The following KCNG3 variants were observed in gnomAD, a reference collection of about 807,000 sequenced individuals.
KCNG3 encodes potassium voltage-gated channel modifier subfamily G member 3, also known as voltage-gated potassium channel regulatory subunit KCNG3.
In KCNG3, 15 loss-of-function variants were observed where a neutral mutation model predicts 29.0. The observed-to-expected ratio is 0.52, with a 90% CI of 0.35 to 0.80. KCNG3 has a LOEUF of 0.80. Among genes scored for constraint, KCNG3 ranks in the 30% least tolerant of loss-of-function variants. The pLI is 0.01. For missense variants in KCNG3, 512 were observed against 605.7 expected (o/e 0.85, Z 1.62); for synonymous variants, 322 against 248.9 (o/e 1.29, Z -2.76).
At chr2:42,390,845 C>A in the KCNG3 span, among the ~76,000 whole-genome samples, 1 of 152,164 alleles carries the variant, frequency 6.6e-6, no homozygotes, top group Non-Finnish European at 1.5e-5. Flanking sequence ...ATGATTGATT[C>A]ACTTATATTT....
the KCNG3 span, among the ~76,000 whole-genome samples, chr2:42,414,260 G>A: frequency 6.6e-6 from 1 of 152,122 alleles, no homozygotes; most frequent in Non-Finnish European, 1.5e-5. Context: ...AGGTCTGTTG[G>A]TAGTAAGTTC....
At chr2:42,409,340 G>C in the KCNG3 span, among the ~76,000 whole-genome samples, 2 of 152,066 alleles carry the variant, frequency 1.3e-5, no homozygotes, top group Admixed American at 1.3e-4. Flanking sequence ...ACAGGCATGA[G>C]CCACCATGCC....
the KCNG3 span, among the ~76,000 whole-genome samples, chr2:42,393,285 G>A: frequency 6.6e-6 from 1 of 151,206 alleles, no homozygotes; most frequent in Admixed American, 6.6e-5. Context: ...AAATGCCCAG[G>A]CACGGTGGTT....
chr2:42,455,514 A>G (rs1389468503), intron 1 of KCNG3, among the ~76,000 whole-genome samples: 1 of 152,176 alleles, frequency 6.6e-6, no homozygotes, highest in East Asian at 1.9e-4. Flanking sequence ...TAATCCCAAC[A>G]CTTAGGGAGG....
At chr2:42,435,577 T>A in the KCNG3 span, among the ~76,000 whole-genome samples, 745 of 152,310 alleles carry the variant, frequency 4.9e-3, 5 homozygotes, top group African/African-American at 0.015. Context: ...ACAACTTTTT[T>A]AAAAAACCTA....
At chr2:42,402,812 G>C in the KCNG3 span, among the ~76,000 whole-genome samples, 1 of 152,072 alleles carries the variant, frequency 6.6e-6, no homozygotes, top group Non-Finnish European at 1.5e-5. Flanking sequence ...GACTTATGCT[G>C]CCTTGATTTC....
chr2:42,493,602 C>A lies in KCNG3; in HGVS notation c.-101G>T, dbSNP rs1292479047. On this transcript the variant is annotated 5_prime_UTR_variant, in exon 1 of 2. Coordinates refer to ENST00000306078, the MANE Select transcript of KCNG3 (RefSeq NM_133329.6). Reference sequence around the variant, plus strand: ...CCTGCCCGTGGCTGACGGGGGAGCGCGCCGTCGGGGCCCGCGCTCCCTCGG... The same window carrying A: ...CCTGCCCGTGGCTGACGGGGGAGCGAGCCGTCGGGGCCCGCGCTCCCTCGG... 1.2e-5 allele frequency: 13 copies of A among 1,102,144 alleles called. No individual in the cohort carries two copies. Among genetic ancestry groups the A allele is most frequent in the African/African-American group, 1.6e-5 (1 of 61,362 alleles). 68.3% of individuals were successfully genotyped at this position (1,102,144 alleles called of 1,614,324 possible).
intron 1 of KCNG3, among the ~76,000 whole-genome samples, chr2:42,449,538 G>C (rs989958525): frequency 2.7e-5 from 3 of 110,422 alleles, no homozygotes; most frequent in African/African-American, 1.0e-4. Flanking sequence ...TTTTTTTTGA[G>C]ACAGGGTCTC....
the KCNG3 span, among the ~76,000 whole-genome samples, chr2:42,405,574 G>A: frequency 6.6e-6 from 1 of 151,548 alleles, no homozygotes. Context: ...GAATAGCTAA[G>A]ATTACAGGCG....
chr2:42,489,385 T>C (rs564142768), intron 1 of KCNG3, among the ~76,000 whole-genome samples: 13 of 152,206 alleles, frequency 8.5e-5, no homozygotes, highest in African/African-American at 3.1e-4. Flanking sequence ...TGAGATCTCT[T>C]CTCAATCAAT....
chr2:42,434,666 C>CAAAAAAAAAAAAAA, the KCNG3 span, among the ~76,000 whole-genome samples: 3 of 64,696 alleles, frequency 4.6e-5, 1 homozygote, highest in Non-Finnish European at 2.7e-5. Context: ...AACTCCATCT[C>CAAAAAAAAAAAAAA]AAAAAAAAAA....
At position 42,444,094 on chromosome 2, in the gene KCNG3, A is replaced by G. The variant is rs771818551; in HGVS notation, c.1151T>C (p.Val384Ala). 6 of 1,614,062 alleles carry G rather than the reference A, an allele frequency of 3.7e-6. No homozygotes were observed. Among genetic ancestry groups the G allele is most frequent in the Non-Finnish European group, 4.2e-6 (5 of 1,180,038 alleles). The change falls in exon 2 of 2, where the codon GTG becomes GCG. Residue 384 changes from valine to alanine, a missense_variant. By Grantham distance (64) the Val-to-Ala change is moderately conservative (BLOSUM62 0). Coordinates refer to ENST00000306078, the MANE Select transcript of KCNG3 (RefSeq NM_133329.6). The surrounding 1 kb of genome is among the most constrained non-coding windows in gnomAD (Gnocchi z 5.8). ...VGYGDMYPITVPGRILGGVCV... is the reference protein window; with the variant it reads ...VGYGDMYPITAPGRILGGVCV... The stretch of plus-strand genomic sequence containing the variant: ...AACTCCTCCAAGAATTCTTCCAGGC[A>G]CTGTGATAGGATACATATCTCCATA...
the KCNG3 span, among the ~76,000 whole-genome samples, chr2:42,414,712 T>C: frequency 1.3e-5 from 2 of 152,216 alleles, no homozygotes; most frequent in Non-Finnish European, 2.9e-5. Flanking sequence ...CTCATTTGTG[T>C]AGGCTAAAAT....
chr2:42,425,011 G>A, the KCNG3 span: 183 of 152,250 alleles, frequency 1.2e-3, 1 homozygote, highest in African/African-American at 4.3e-3. Context: ...CGACAATCAG[G>A]ACAAGGGCCT....
chr2:42,457,857 G>A (rs1355044606), intron 1 of KCNG3, among the ~76,000 whole-genome samples: 3 of 151,940 alleles, frequency 2.0e-5, no homozygotes, highest in South Asian at 2.1e-4. Context: ...GTGGTGTCAC[G>A]CACCTGTAGT....
the KCNG3 span, among the ~76,000 whole-genome samples, chr2:42,402,939 G>C: frequency 2.0e-5 from 3 of 152,172 alleles, no homozygotes; most frequent in African/African-American, 7.2e-5. Flanking sequence ...GGGAATTTTT[G>C]TTAGGATCAC....
intron 1 of KCNG3, among the ~76,000 whole-genome samples, chr2:42,472,886 G>A (rs1329126303): frequency 1.8e-5 from 2 of 111,380 alleles, no homozygotes; most frequent in Non-Finnish European, 3.7e-5. Context: ...TAGATCTATC[G>A]ATAGATATAT....
chr2:42,461,311 TC>T (rs1255512960), intron 1 of KCNG3, among the ~76,000 whole-genome samples: 9 of 152,020 alleles, frequency 5.9e-5, no homozygotes, highest in Non-Finnish European at 1.0e-4. Context: ...GGTTGCTTTT[TC>T]CTTAGCTCTG....
intron 1 of KCNG3, among the ~76,000 whole-genome samples, chr2:42,448,828 A>G (rs1314193881): frequency 1.3e-5 from 2 of 152,090 alleles, no homozygotes; most frequent in Non-Finnish European, 2.9e-5. Flanking sequence ...AATACAAGAA[A>G]TTAGCCGGGC....
Sources: allele counts gnomAD v4.1 joint callset (sites outside exome capture counted in the v4.1 genomes callset), GRCh38; gene constraint gnomAD v4.1.1; non-coding constraint Gnocchi (gnomAD v3.1); transcripts MANE v1.5; gene names NCBI Gene and HGNC (gene_info 2026-07-23, HGNC 2026-07-21).